Variants in TGFB1 observed in about 807,000 individuals in gnomAD.
The protein encoded by TGFB1 is transforming growth factor beta 1, also known as transforming growth factor beta-1 proprotein.
In TGFB1, 19 loss-of-function variants were observed where a neutral mutation model predicts 43.8. The ratio of observed to expected loss-of-function variants is 0.43; its 90% CI spans 0.30 to 0.64. The LOEUF (loss-of-function observed/expected upper bound fraction) is 0.64, where lower values mean the gene tolerates loss of function less well. Among genes scored for constraint, TGFB1 ranks in the 30% least tolerant of loss-of-function variants. The probability of loss-of-function intolerance (pLI) is 0.11; values close to 1 mark genes in which losing one functional copy is unlikely to be tolerated. For synonymous variants in TGFB1, 221 were observed against 236.3 expected (o/e 0.94, Z 0.60); for missense variants, 445 against 529.8 (o/e 0.84, Z 1.57).
intron 5 of TGFB1, among the ~76,000 whole-genome samples, chr19:41,341,466 CAAAAAAAAAAAAA>C (rs770264069): frequency 2.0e-4 from 7 of 35,586 alleles, no homozygotes; most frequent in African/African-American, 8.7e-4. Flanking sequence ...GACTCTGTCT[CAAAAAAAAAAAAA>C]AAAAAAAAAA....
rs761566555 is a variant in TGFB1, at chr19:41,348,507, G to A, written c.356-52C>T. On this transcript the variant is annotated intron_variant, in intron 1 of 6. Coordinates refer to ENST00000221930, the MANE Select transcript of TGFB1 (RefSeq NM_000660.7). ...ATCAGGGGTTTGGCAGAGGTGAGGG[G>A]AGCTGGTGCTCCCAACTCTAGGAGT... is the stretch of plus-strand genomic sequence containing the variant. 5 of 1,600,720 alleles carry A rather than the reference G, an allele frequency of 3.1e-6. No individual in the cohort carries two copies. In the Admixed American group the frequency reaches 8.4e-5, roughly 27 times the overall value.
At chr19:41,342,126 G>A (rs753363526) in intron 4 of TGFB1, 44 bp downstream of exon 4, 16 of 1,610,988 alleles carry the variant, frequency 9.9e-6, no homozygotes, top group South Asian at 5.5e-5. Flanking sequence ...ACACACACAC[G>A]CACACACGTC....
intron 1 of TGFB1, among the ~76,000 whole-genome samples, chr19:41,352,003 C>T (rs546961170): frequency 1.3e-5 from 2 of 152,052 alleles, no homozygotes; most frequent in South Asian, 2.1e-4. Flanking sequence ...TCCCGGGCGC[C>T]CTCCCGAGTC....
intron 1 of TGFB1, among the ~76,000 whole-genome samples, chr19:41,349,893 G>C (rs1207074834): frequency 6.6e-6 from 1 of 151,914 alleles, no homozygotes; most frequent in Non-Finnish European, 1.5e-5. Context: ...AGAAACTGAG[G>C]CACCGAGATT....
chr19:41,338,366 T>C (rs1599885835), intron 5 of TGFB1, among the ~76,000 whole-genome samples: 1 of 149,914 alleles, frequency 6.7e-6, no homozygotes, highest in South Asian at 2.1e-4. Context: ...TGGTGGCAGG[T>C]GCCTATAATC....
At chr19:41,337,883 C>G (rs767352016) in intron 5 of TGFB1, among the ~76,000 whole-genome samples, 2 of 152,178 alleles carry the variant, frequency 1.3e-5, no homozygotes, top group Non-Finnish European at 2.9e-5. Flanking sequence ...TTTCTTTTCT[C>G]TATCTTATTT....
Position 41,342,358 on chromosome 19 carries a change from C to T in TGFB1, c.635-111G>A, listed in dbSNP as rs2038067415. 37 of 1,000,494 alleles carry T rather than the reference C, an allele frequency of 3.7e-5. No homozygotes were observed. In the South Asian group the frequency reaches 5.0e-4, roughly 13 times the overall value. The allele number at this position is 1,000,494 out of a possible 1,614,324, so 62.0% of individuals were successfully genotyped here. A position where few individuals can be genotyped will look rare whatever the true frequency, so the allele number is the denominator to read the frequency against. ...GGGCTTCCTTCCTGCCTCCCCCACCCACCCCACTCTGCCCTCTCACTGCAG... is the reference window on the plus strand; with the variant it reads ...GGGCTTCCTTCCTGCCTCCCCCACCTACCCCACTCTGCCCTCTCACTGCAG... On this transcript the variant is annotated intron_variant, in intron 3 of 6. Transcript: ENST00000221930.
chr19:41,347,552 G>A (rs1247464092), intron 2 of TGFB1, among the ~76,000 whole-genome samples: 1 of 152,100 alleles, frequency 6.6e-6, no homozygotes, highest in African/African-American at 2.4e-5. Flanking sequence ...TAGGTTCCGG[G>A]TGCAGTGGCT....
At chr19:41,341,055 G>A (rs2069413994) in intron 5 of TGFB1, among the ~76,000 whole-genome samples, 1 of 152,148 alleles carries the variant, frequency 6.6e-6, no homozygotes, top group Admixed American at 6.6e-5. Context: ...AGCAAGGCTG[G>A]GCGTGGTGGC....
chr19:41,332,355 G>A (rs1244058088), intron 5 of TGFB1, 74 bp from the exon 6 acceptor site: 7 of 1,543,548 alleles, frequency 4.5e-6, no homozygotes, highest in Non-Finnish European at 3.5e-6. Flanking sequence ...TCCTCCCCAG[G>A]TGCGTGTGTC....
intron 3 of TGFB1, among the ~76,000 whole-genome samples, chr19:41,342,985 C>A (rs2038075630): frequency 6.6e-6 from 1 of 151,916 alleles, no homozygotes; most frequent in African/African-American, 2.4e-5. Flanking sequence ...ATGATGTTTT[C>A]TAGGCTCCTA....
At chr19:41,346,678 G>A (rs1269507450) in intron 2 of TGFB1, among the ~76,000 whole-genome samples, 2 of 152,184 alleles carry the variant, frequency 1.3e-5, no homozygotes, top group African/African-American at 2.4e-5. Flanking sequence ...CTAACCACAT[G>A]TGACTATAGA....
In TGFB1 at chr19:41,344,806, G is replaced by A. The variant is rs2038097480; in HGVS notation, c.575C>T (p.Ser192Leu). The stretch of plus-strand genomic sequence containing the variant: ...GACATCAAAAGATAACCACTCTGGC[G>A]AGTCGCTGGGTGCCAGCAGCCGGTT... Reference protein sequence around the residue: ...LSNRLLAPSDSPEWLSFDVTG... With the variant: ...LSNRLLAPSDLPEWLSFDVTG... Residue 192 changes from serine to leucine, a missense_variant, in exon 3 of 7, where the codon TCG becomes TTG. Ser to Leu is a moderately radical substitution (Grantham distance 145). Coordinates refer to ENST00000221930, the MANE Select transcript of TGFB1 (RefSeq NM_000660.7). 5 of 1,612,684 alleles carry A rather than the reference G, an allele frequency of 3.1e-6. No individual in the cohort carries two copies. The highest frequency in any genetic ancestry group is 2.2e-5 in the South Asian group (2 of 90,728).
intron 5 of TGFB1, among the ~76,000 whole-genome samples, chr19:41,334,493 A>G (rs2123084628): frequency 1.4e-5 from 2 of 141,876 alleles, no homozygotes; most frequent in African/African-American, 5.3e-5. Context: ...CAGTGGTGCA[A>G]TCTTGGCTCA....
In TGFB1 at chr19:41,353,073, G is replaced by T; in HGVS notation, c.-29C>A. 1 of 1,504,266 alleles carries T rather than the reference G, an allele frequency of 6.6e-7. No individual in the cohort carries two copies. The allele number at this position is 1,504,266 out of a possible 1,614,324, so 93.2% of individuals were successfully genotyped here. ...GGAGGCGGCGCCCCCCGGCACTGCC[G>T]AGAGCGCGAACAGGGCTGGTGTGGT... is the stretch of plus-strand genomic sequence containing the variant. On this transcript the variant is annotated 5_prime_UTR_variant, in exon 1 of 7. Coordinates refer to ENST00000221930, the MANE Select transcript of TGFB1 (RefSeq NM_000660.7). This position sits in a 1 kb window ranked among gnomAD's most constrained non-coding sequence, Gnocchi z 5.9.
intron 1 of TGFB1, among the ~76,000 whole-genome samples, chr19:41,351,553 C>T (rs2038194958): frequency 1.3e-5 from 2 of 152,174 alleles, no homozygotes; most frequent in South Asian, 2.1e-4. Context: ...CCGCCGGACG[C>T]TGGGGTTTCC....
intron 6 of TGFB1, 77 bp from the exon 7 acceptor site, chr19:41,331,287 C>A (rs183878618): frequency 3.2e-4 from 459 of 1,419,076 alleles, no homozygotes; most frequent in Middle Eastern, 1.5e-3. Context: ...CATCCCCCAC[C>A]CGCTACCGCG....
intron 2 of TGFB1, 52 bp from the exon 3 acceptor site, chr19:41,344,916 C>A: frequency 6.9e-7 from 1 of 1,455,260 alleles, no homozygotes; most frequent in Non-Finnish European, 9.4e-7. Flanking sequence ...GTGTCACGAC[C>A]CCACATACAC....
chr19:41,339,693 A>AGG (rs1568476795), intron 5 of TGFB1, among the ~76,000 whole-genome samples: 1 of 152,066 alleles, frequency 6.6e-6, no homozygotes, highest in Non-Finnish European at 1.5e-5. Flanking sequence ...GTGTGGTGGC[A>AGG]CACGCCTGTA....
Sources: allele counts gnomAD v4.1 joint callset (sites outside exome capture counted in the v4.1 genomes callset), GRCh38; gene constraint gnomAD v4.1.1; non-coding constraint Gnocchi (gnomAD v3.1); transcripts MANE v1.5; gene names NCBI Gene and HGNC (gene_info 2026-07-23, HGNC 2026-07-21).